The following NTRK2 variants were observed in gnomAD, a reference collection of about 807,000 sequenced individuals.
The protein encoded by NTRK2 is neurotrophic receptor tyrosine kinase 2, also known as BDNF/NT-3 growth factors receptor.
In NTRK2, 13 loss-of-function variants were observed where a neutral mutation model predicts 94.5. That is an observed-to-expected ratio of 0.14 (90% CI 0.09 to 0.22). The LOEUF (loss-of-function observed/expected upper bound fraction) is 0.22. NTRK2 is among the 10% of genes least tolerant of loss of function. The pLI, the probability that NTRK2 is intolerant of heterozygous loss-of-function variation, is 1.00. For synonymous variants in NTRK2, 372 were observed against 407.4 expected (o/e 0.91, Z 1.05); for missense variants, 639 against 1,071.2 (o/e 0.60, Z 5.63).
chr9:84,924,928 A>C (rs928050780), intron 14 of NTRK2, among the ~76,000 whole-genome samples: 1 of 152,138 alleles, frequency 6.6e-6, no homozygotes, highest in Non-Finnish European at 1.5e-5. Flanking sequence ...GCAGCAGGCT[A>C]TCTAGTCGAT....
chr9:84,929,722 C>T lies in NTRK2; in HGVS notation c.1634-4440C>T, dbSNP rs867816589. Reference sequence around the variant, plus strand: ...GATTACAGGTGCATGCCACCATGTCCGTTTAATTTTTGTAGTTTTAATAGA... The same window carrying T: ...GATTACAGGTGCATGCCACCATGTCTGTTTAATTTTTGTAGTTTTAATAGA... On this transcript the variant is annotated intron_variant, in intron 14 of 18. Coordinates refer to ENST00000277120, the MANE Select transcript of NTRK2 (RefSeq NM_006180.6). 6.4e-4 allele frequency among the ~76,000 whole-genome samples: 98 copies of T among 152,064 alleles called. No individual in the cohort carries two copies. In the Middle Eastern group the frequency reaches 0.01, roughly 16 times the overall value.
chr9:84,957,227 G>T (rs531977373), intron 17 of NTRK2, among the ~76,000 whole-genome samples: 1 of 152,296 alleles, frequency 6.6e-6, no homozygotes, highest in Non-Finnish European at 1.5e-5. Flanking sequence ...TATTAGTAAA[G>T]GGTTCAACGT....
intron 17 of NTRK2, among the ~76,000 whole-genome samples, chr9:84,959,117 G>C (rs1376436535): frequency 6.6e-6 from 1 of 152,014 alleles, no homozygotes; most frequent in East Asian, 1.9e-4. Context: ...TCATTTGCTG[G>C]CACCTTAGTA....
intron 17 of NTRK2, among the ~76,000 whole-genome samples, chr9:84,982,161 A>G (rs1827703499): frequency 6.6e-6 from 1 of 152,204 alleles, no homozygotes; most frequent in South Asian, 2.1e-4. Context: ...TGTCAGTGTT[A>G]GAGATTTAGG....
At chr9:84,817,619 A>G (rs1015022280) in intron 12 of NTRK2, among the ~76,000 whole-genome samples, 1 of 152,230 alleles carries the variant, frequency 6.6e-6, no homozygotes, top group African/African-American at 2.4e-5. Context: ...TATCATTTCA[A>G]CAGGGAATGC....
intron 14 of NTRK2, chr9:84,877,986 G>A: frequency 5.1e-6 from 5 of 987,412 alleles, no homozygotes; most frequent in Non-Finnish European, 6.1e-6. Flanking sequence ...GATTCCTCAA[G>A]GCACCACGAA....
intron 2 of NTRK2, among the ~76,000 whole-genome samples, chr9:84,684,580 A>G (rs968322864): frequency 6.6e-6 from 1 of 152,194 alleles, no homozygotes; most frequent in African/African-American, 2.4e-5. Flanking sequence ...TTTTGCAAAG[A>G]GGTCACATCA....
intron 12 of NTRK2, among the ~76,000 whole-genome samples, chr9:84,834,789 G>T: frequency 6.6e-6 from 1 of 152,296 alleles, no homozygotes; most frequent in East Asian, 1.9e-4. Context: ...GATCTGTGCT[G>T]TCATATAGCT....
chr9:84,827,742 T>C (rs1257698159), intron 12 of NTRK2, among the ~76,000 whole-genome samples: 1 of 151,122 alleles, frequency 6.6e-6, no homozygotes, highest in Non-Finnish European at 1.5e-5. Context: ...TGCCAATGCT[T>C]ACTGCTTGTT....
chr9:84,721,815 G>A (rs547088769), intron 6 of NTRK2, among the ~76,000 whole-genome samples: 36 of 152,234 alleles, frequency 2.4e-4, no homozygotes, highest in African/African-American at 6.7e-4. Context: ...AATCTTTTTC[G>A]TAATTTTTAT....
At chr9:84,761,981 A>G (rs111866488) in intron 12 of NTRK2, among the ~76,000 whole-genome samples, 1 of 152,036 alleles carries the variant, frequency 6.6e-6, no homozygotes. Context: ...GGTCTGTCCC[A>G]TGCTGTTCTC....
chr9:84,888,649 A>AAAAAAAT (rs2076494237), intron 14 of NTRK2, among the ~76,000 whole-genome samples: 2 of 141,090 alleles, frequency 1.4e-5, no homozygotes, highest in Admixed American at 1.4e-4. Context: ...AAAAAAAAAA[A>AAAAAAAT]GTGGCAGAGA....
intron 12 of NTRK2, among the ~76,000 whole-genome samples, chr9:84,782,313 G>T (rs2067669878): frequency 6.6e-6 from 1 of 152,128 alleles, no homozygotes; most frequent in African/African-American, 2.4e-5. Flanking sequence ...AGAAAACTTT[G>T]GAAAACCATT....
intron 12 of NTRK2, among the ~76,000 whole-genome samples, chr9:84,822,403 T>C (rs963341988): frequency 6.6e-6 from 1 of 152,212 alleles, no homozygotes; most frequent in Non-Finnish European, 1.5e-5. Context: ...CCTTCATTTA[T>C]TGGGTAGAGT....
intron 9 of NTRK2, among the ~76,000 whole-genome samples, chr9:84,740,727 AT>A (rs1324124057): frequency 6.6e-6 from 1 of 151,956 alleles, no homozygotes; most frequent in African/African-American, 2.4e-5. Context: ...CATTCATTTC[AT>A]TTTTTTTCCC....
chr9:84,689,357 C>T (rs569610570), intron 2 of NTRK2, among the ~76,000 whole-genome samples: 15 of 152,266 alleles, frequency 9.9e-5, no homozygotes, highest in South Asian at 6.2e-4. Context: ...ATTAACCATT[C>T]GTGTGCTGAG....
intron 14 of NTRK2, among the ~76,000 whole-genome samples, chr9:84,931,436 G>C (rs1282207127): frequency 6.6e-6 from 1 of 151,674 alleles, no homozygotes; most frequent in African/African-American, 2.4e-5. Flanking sequence ...GAGAGAGAGA[G>C]AGAAATTTAT....
intron 12 of NTRK2, among the ~76,000 whole-genome samples, chr9:84,833,551 AAAAG>A (rs1388011516): frequency 1.3e-5 from 2 of 151,932 alleles, no homozygotes; most frequent in East Asian, 3.9e-4. Context: ...AAGGAAAGAA[AAAAG>A]AAGGAAGAAT....
rs1832991633 is a variant in NTRK2, at chr9:85,025,554, C to G, written c.*4117C>G. On this transcript the variant is annotated 3_prime_UTR_variant, in exon 19 of 19. Coordinates refer to ENST00000277120, the MANE Select transcript of NTRK2 (RefSeq NM_006180.6). ...CGTCCTAACAGCAGGATTACCTGGT[C>G]AAGTATGGACTTTCTTTGAATCTTT... 4.3e-6 allele frequency: 1 copy of G among 233,216 alleles called. No homozygotes were observed. Among genetic ancestry groups the G allele is most frequent in the East Asian group, 6.0e-5 (1 of 16,580 alleles). The allele number at this position is 233,216 out of a possible 1,614,324, so 14.4% of individuals were successfully genotyped here. A position where few individuals can be genotyped will look rare whatever the true frequency, so the allele number is the denominator to read the frequency against.
Sources: allele counts gnomAD v4.1 joint callset (sites outside exome capture counted in the v4.1 genomes callset), GRCh38; gene constraint gnomAD v4.1.1; transcripts MANE v1.5; gene names NCBI Gene and HGNC (gene_info 2026-07-23, HGNC 2026-07-21).